The following UTRN variants were observed in gnomAD, a reference collection of about 807,000 sequenced individuals.
UTRN encodes utrophin, also known as dystrophin-related protein 1.
A neutral mutation model predicts 463.9 loss-of-function variants in UTRN; 283 were observed. That is an observed-to-expected ratio of 0.61 (90% CI 0.55 to 0.67). UTRN has a LOEUF of 0.67. Among genes scored for constraint, UTRN ranks in the 30% least tolerant of loss-of-function variants. The pLI, the probability that UTRN is intolerant of heterozygous loss-of-function variation, is 0.00. For synonymous variants in UTRN, 1,442 were observed against 1,431.5 expected, an observed-to-expected ratio of 1.01 and a Z score of -0.17; for missense variants, 3,922 against 4,084.3, an observed-to-expected ratio of 0.96 and a Z score of 1.08.
At chr6:144,319,158 C>T (rs28706798) in intron 2 of UTRN, among the ~76,000 whole-genome samples, 3,878 of 149,716 alleles carry the variant, frequency 0.026, 170 homozygotes, top group African/African-American at 0.09. Flanking sequence ...TTTTTTTCCT[C>T]ATTATTCTTT....
intron 2 of UTRN, among the ~76,000 whole-genome samples, chr6:144,365,674 T>C (rs1004152033): frequency 6.6e-6 from 1 of 152,240 alleles, no homozygotes; most frequent in African/African-American, 2.4e-5. Flanking sequence ...AGTTCAGAGA[T>C]TACTTAAGGT....
chr6:144,573,738 A>G (rs1456705290), intron 50 of UTRN, among the ~76,000 whole-genome samples: 1 of 152,112 alleles, frequency 6.6e-6, no homozygotes, highest in African/African-American at 2.4e-5. Context: ...ATATTATGGA[A>G]AGATTGTCAT....
intron 2 of UTRN, among the ~76,000 whole-genome samples, chr6:144,302,998 A>G (rs991950927): frequency 3.3e-5 from 5 of 152,224 alleles, no homozygotes; most frequent in African/African-American, 1.2e-4. Context: ...TTTCCCTGTA[A>G]GAAGCCACTA....
At position 144,436,284 on chromosome 6, in the gene UTRN, G is replaced by A. The variant is rs796554001; in HGVS notation, c.1059+146G>A. 26 of 887,490 alleles carry A rather than the reference G, an allele frequency of 2.9e-5. No individual in the cohort carries two copies. In the South Asian group the frequency reaches 3.2e-4, roughly 11 times the overall value. 55.0% of individuals were successfully genotyped at this position (887,490 alleles called of 1,614,324 possible). On this transcript the variant is annotated intron_variant, in intron 10 of 74. Transcript: ENST00000367545. The stretch of plus-strand genomic sequence containing the variant: ...TTTCAGGAACTGTGATATTTAAATA[G>A]TGCTTTGTCACAAAATTGGTATGGG...
chr6:144,406,512 G>A (rs536315911), intron 3 of UTRN, among the ~76,000 whole-genome samples: 3 of 151,920 alleles, frequency 2.0e-5, no homozygotes, highest in Admixed American at 6.6e-5. Flanking sequence ...GATTATGGGC[G>A]CATGTCACCA....
intron 51 of UTRN, among the ~76,000 whole-genome samples, chr6:144,607,602 T>C (rs779815275): frequency 1.2e-4 from 19 of 152,224 alleles, no homozygotes; most frequent in Non-Finnish European, 2.5e-4. Flanking sequence ...TTTTGGGCAC[T>C]TTGAAACTTT....
At chr6:144,768,960 T>TG (rs1562884766) in intron 58 of UTRN, among the ~76,000 whole-genome samples, 3 of 147,808 alleles carry the variant, frequency 2.0e-5, no homozygotes, top group East Asian at 4.0e-4. Context: ...TTTGTTTTGT[T>TG]TTTTTTTTTT....
chr6:144,793,949 A>G lies in UTRN; in HGVS notation c.9036A>G (p.Gly3012=), dbSNP rs1776987660. 6.2e-7 allele frequency: 1 copy of G among 1,614,034 alleles called. No individual in the cohort carries two copies. Among genetic ancestry groups the G allele is most frequent in the Non-Finnish European group, 8.5e-7 (1 of 1,179,968 alleles). ...PRQLGEVAAF[G]GSNIEPSVRS... ...AGCTAGGTGAAGTAGCAGCTTTTGGAGGCAGTAATATTGAGCCTAGTGTTC... is the reference window on the plus strand; with the variant it reads ...AGCTAGGTGAAGTAGCAGCTTTTGGGGGCAGTAATATTGAGCCTAGTGTTC... Residue 3012 remains glycine, a synonymous_variant, in exon 63 of 75, where the codon GGA becomes GGG. Coordinates refer to ENST00000367545, the MANE Select transcript of UTRN (RefSeq NM_007124.3).
intron 51 of UTRN, among the ~76,000 whole-genome samples, chr6:144,587,989 C>T (rs774960537): frequency 6.6e-5 from 10 of 152,032 alleles, no homozygotes; most frequent in African/African-American, 1.9e-4. Flanking sequence ...AGAAAAATGG[C>T]GTATGTAGAT....
intron 53 of UTRN, among the ~76,000 whole-genome samples, chr6:144,704,833 G>T (rs1412397969): frequency 6.6e-6 from 1 of 151,988 alleles, no homozygotes; most frequent in African/African-American, 2.4e-5. Flanking sequence ...GTGGTGACGT[G>T]CGCCTGTAGT....
chr6:144,460,332 T>C (rs1381665644), intron 21 of UTRN, among the ~76,000 whole-genome samples: 1 of 152,228 alleles, frequency 6.6e-6, no homozygotes, highest in African/African-American at 2.4e-5. Context: ...GTGCATTATT[T>C]TGTGAAATGC....
intron 61 of UTRN, among the ~76,000 whole-genome samples, chr6:144,787,836 T>C (rs867132106): frequency 2.6e-5 from 4 of 152,302 alleles, no homozygotes; most frequent in South Asian, 2.1e-4. Context: ...GCTGTACTTG[T>C]GTATTAAAAA....
intron 51 of UTRN, among the ~76,000 whole-genome samples, chr6:144,653,666 A>G (rs1779052757): frequency 6.6e-6 from 1 of 151,960 alleles, no homozygotes; most frequent in Admixed American, 6.6e-5. Context: ...TAACTTGTTT[A>G]CCCAGTTACC....
At chr6:144,490,522 A>G (rs1262061834) in intron 31 of UTRN, among the ~76,000 whole-genome samples, 1 of 152,230 alleles carries the variant, frequency 6.6e-6, no homozygotes, top group Non-Finnish European at 1.5e-5. Context: ...CAGGCCGAGC[A>G]TGAATTGGAT....
chr6:144,681,092 C>T (rs938775227), intron 52 of UTRN, among the ~76,000 whole-genome samples: 5 of 152,084 alleles, frequency 3.3e-5, no homozygotes, highest in Non-Finnish European at 7.4e-5. Context: ...TGGTAGGAGA[C>T]ACTTTCGGCA....
chr6:144,403,857 A>C (rs1445688793), intron 3 of UTRN, among the ~76,000 whole-genome samples: 1 of 152,196 alleles, frequency 6.6e-6, no homozygotes, highest in Non-Finnish European at 1.5e-5. Context: ...ACTAAGCCTG[A>C]GGTAGGAGGA....
At chr6:144,778,855 C>T (rs1775571591) in intron 60 of UTRN, among the ~76,000 whole-genome samples, 1 of 152,122 alleles carries the variant, frequency 6.6e-6, no homozygotes. Flanking sequence ...ACTGAGCTGT[C>T]ATTTGTCTCC....
intron 61 of UTRN, among the ~76,000 whole-genome samples, chr6:144,788,502 C>T (rs116084124): frequency 5.6e-4 from 84 of 151,216 alleles, no homozygotes; most frequent in African/African-American, 1.9e-3. Flanking sequence ...ATATAGTGTG[C>T]GTAGCTCTAG....
intron 2 of UTRN, among the ~76,000 whole-genome samples, chr6:144,383,578 T>A (rs950038760): frequency 6.6e-6 from 1 of 152,214 alleles, no homozygotes. Context: ...ATAGTTCTCC[T>A]GGGTCTTCCA....
Sources: gnomAD v4.1 joint callset for allele counts (sites outside exome capture counted in the v4.1 genomes callset) on GRCh38, gnomAD v4.1.1 for gene constraint, MANE v1.5 for transcripts, NCBI Gene and HGNC (gene_info 2026-07-23, HGNC 2026-07-21) for gene names.